SMARCE1: variants seen among roughly 807,000 people sequenced by gnomAD.
SMARCE1 encodes the protein SWI/SNF related BAF chromatin remodeling complex subunit E1.
SMARCE1 carries 13 observed loss-of-function variants against 54.9 expected under a neutral mutation model. The observed-to-expected ratio is 0.24, with a 90% CI of 0.15 to 0.38. The LOEUF (loss-of-function observed/expected upper bound fraction) is 0.38, where lower values mean the gene tolerates loss of function less well. Among genes scored for constraint, SMARCE1 ranks in the 10% least tolerant of loss-of-function variants. SMARCE1 has a pLI of 1.00. For synonymous variants in SMARCE1, 151 were observed against 175.3 expected (o/e 0.86, Z 1.10); for missense variants, 295 against 523.8 (o/e 0.56, Z 4.26).
intron 4 of SMARCE1, among the ~76,000 whole-genome samples, chr17:40,639,462 C>T (rs918119325): frequency 3.9e-5 from 6 of 152,068 alleles, no homozygotes; most frequent in South Asian, 2.1e-4. Context: ...CCTATGCTTC[C>T]GAGCTTTAAT....
rs779522262 is a variant in SMARCE1 at position 40,642,245 on chromosome 17, G to T, written c.156+210C>A. 9 of 624,192 alleles carry T rather than the reference G, an allele frequency of 1.4e-5. No homozygotes were observed. Among genetic ancestry groups the T allele is most frequent in the Admixed American group, 2.8e-5 (1 of 35,374 alleles). 38.7% of individuals were successfully genotyped at this position (624,192 alleles called of 1,614,324 possible). On this transcript the variant is annotated intron_variant, in intron 4 of 10. Coordinates refer to ENST00000348513, the MANE Select transcript of SMARCE1 (RefSeq NM_003079.5). The surrounding 1 kb of genome is among the most constrained non-coding windows in gnomAD (Gnocchi z 4.6). ...AACCCTACCAACCACCAAACAGAATGGATTTTTCTTTTCTTCTATATACAT... is the reference window on the plus strand; with the variant it reads ...AACCCTACCAACCACCAAACAGAATTGATTTTTCTTTTCTTCTATATACAT...
At chr17:40,643,647 AT>A (rs1308125000) in intron 3 of SMARCE1, 1 of 152,252 alleles carries the variant, frequency 6.6e-6, no homozygotes, top group African/African-American at 2.4e-5. Context: ...GCAATTAACA[AT>A]ATCGGTCCTT....
In SMARCE1 at chr17:40,625,328, G is replaced by T. The variant is rs1324759669; in HGVS notation, c.*3457C>A. 6.6e-6 allele frequency: 1 copy of T among 152,154 alleles called. No homozygotes were observed. Among genetic ancestry groups the T allele is most frequent in the Non-Finnish European group, 1.5e-5 (1 of 68,010 alleles). 9.4% of individuals were successfully genotyped at this position (152,154 alleles called of 1,614,324 possible). On this transcript the variant is annotated 3_prime_UTR_variant, in exon 11 of 11. Transcript: ENST00000348513. ...ATTCAGCACGATTTCTTCTAAAAAG[G>T]CTCCGAGTTCCTTTGAGCTTGTTAT...
At chr17:40,629,265 T>C (rs2037066891) in intron 10 of SMARCE1, 1 of 412,284 alleles carries the variant, frequency 2.4e-6, no homozygotes, top group African/African-American at 2.0e-5. Context: ...TTGAGATGTG[T>C]ATAAAGACTG....
intron 3 of SMARCE1, chr17:40,643,618 G>A (rs1281234155): frequency 6.6e-6 from 1 of 152,142 alleles, no homozygotes; most frequent in African/African-American, 2.4e-5. Context: ...CAAAATATGT[G>A]ACAATTTCAT....
chr17:40,632,950 C>T (rs1395532923), intron 7 of SMARCE1: 4 of 152,438 alleles, frequency 2.6e-5, no homozygotes, highest in Non-Finnish European at 4.4e-5. Flanking sequence ...TACACTTAGC[C>T]AGCTGTTGTC....
intron 10 of SMARCE1, chr17:40,629,731 GT>G: frequency 2.5e-6 from 1 of 395,818 alleles, no homozygotes. Flanking sequence ...AGGACTGAGT[GT>G]TTGTCTAGTT....
chr17:40,635,620 C>T, intron 7 of SMARCE1: 1 of 191,476 alleles, frequency 5.2e-6, no homozygotes, highest in Non-Finnish European at 1.1e-5. Context: ...AATTAGAATG[C>T]ATTTAGCTTT....
intron 7 of SMARCE1, 136 bp downstream of exon 7, chr17:40,635,795 C>T (rs2143995550): frequency 1.6e-6 from 1 of 619,654 alleles, no homozygotes; most frequent in Non-Finnish European, 2.5e-6. Flanking sequence ...CTCAATATAA[C>T]CAAAATACTA....
chr17:40,629,727 G>A (rs1053200435), intron 10 of SMARCE1: 2 of 396,336 alleles, frequency 5.0e-6, no homozygotes, highest in African/African-American at 2.1e-5. Flanking sequence ...GCAAAGGACT[G>A]AGTGTTTGTC....
intron 3 of SMARCE1, chr17:40,644,283 C>T (rs1215044935): frequency 6.7e-6 from 1 of 150,152 alleles, no homozygotes; most frequent in African/African-American, 2.5e-5. Context: ...TCAAAGGTAG[C>T]ATAAATAATA....
At chr17:40,630,634 C>T in intron 10 of SMARCE1, 80 bp downstream of exon 10, 1 of 1,147,996 alleles carries the variant, frequency 8.7e-7, no homozygotes, top group Non-Finnish European at 1.3e-6. Context: ...AGAATACTTG[C>T]ACTTAGAAAG....
chr17:40,636,956 G>A (rs1029401669), intron 5 of SMARCE1: 22 of 157,702 alleles, frequency 1.4e-4, no homozygotes, highest in Admixed American at 4.3e-4. Flanking sequence ...TCTAGATAGT[G>A]GTTATAATGC....
rs147503027 is a variant in SMARCE1, at chr17:40,642,174, TTC to T, written c.156+279_156+280del. ...AAAAGGATATTTTTACCTTAAGAAA[TTC>T]TGTTTGTTTACATACAGTATAAGCA... On this transcript the variant is annotated intron_variant, in intron 4 of 10. Transcript: ENST00000348513. This position sits in a 1 kb window ranked among gnomAD's most constrained non-coding sequence, Gnocchi z 4.6. 8.3e-3 allele frequency: 4,311 copies of T among 518,970 alleles called. 127 individuals carry two copies. The highest frequency in any genetic ancestry group is 0.074 in the African/African-American group (3,713 of 50,134). The allele number at this position is 518,970 out of a possible 1,614,324, so 32.1% of individuals were successfully genotyped here.
chr17:40,642,569 AC>A lies in SMARCE1; in HGVS notation c.52-11del. 1 of 1,475,824 alleles carries A rather than the reference AC, an allele frequency of 6.8e-7. No homozygotes were observed. Among genetic ancestry groups the A allele is most frequent in the Non-Finnish European group, 9.4e-7 (1 of 1,061,342 alleles). 91.4% of individuals were successfully genotyped at this position (1,475,824 alleles called of 1,614,324 possible). On this transcript the variant is annotated splice_polypyrimidine_tract_variant and intron_variant, in intron 3 of 10. Coordinates refer to ENST00000348513, the MANE Select transcript of SMARCE1 (RefSeq NM_003079.5). This position sits in a 1 kb window ranked among gnomAD's most constrained non-coding sequence, Gnocchi z 4.6. ...GTGTGCTGGGCATTTGCTGATGGAAACAAATGAGACAAAAACACGAATGAGA... is the reference window on the plus strand; with the variant it reads ...GTGTGCTGGGCATTTGCTGATGGAAAAAATGAGACAAAAACACGAATGAGA...
intron 10 of SMARCE1, chr17:40,630,101 A>G: frequency 1.5e-6 from 1 of 671,012 alleles, no homozygotes. Flanking sequence ...AGGCAGTGTT[A>G]AAACAGTGCC....
chr17:40,635,252 T>C (rs981885450), intron 7 of SMARCE1: 4 of 151,204 alleles, frequency 2.6e-5, no homozygotes, highest in African/African-American at 9.8e-5. Context: ...TATTAATGTT[T>C]ATACAGCACA....
At chr17:40,635,267 A>G (rs1396196923) in intron 7 of SMARCE1, 4 of 150,572 alleles carry the variant, frequency 2.7e-5, no homozygotes, top group African/African-American at 9.9e-5. Context: ...AGCACACTAG[A>G]TATGTGGTTG....
At chr17:40,644,257 T>G (rs953927781) in intron 3 of SMARCE1, 32 of 152,282 alleles carry the variant, frequency 2.1e-4, no homozygotes, top group Admixed American at 5.9e-4. Flanking sequence ...GCAGTATTTT[T>G]GTCAAAATGA....
Sources: allele counts gnomAD v4.1 joint callset (sites outside exome capture counted in the v4.1 genomes callset), GRCh38; gene constraint gnomAD v4.1.1; non-coding constraint Gnocchi (gnomAD v3.1); transcripts MANE v1.5; gene names NCBI Gene and HGNC (gene_info 2026-07-23, HGNC 2026-07-21).